Variants in MYL12B observed in about 807,000 individuals in gnomAD.
MYL12B encodes myosin light chain 12B.
Under a neutral mutation model 12.9 loss-of-function variants are expected in MYL12B, and 3 were observed. That is an observed-to-expected ratio of 0.23 (90% CI 0.11 to 0.60). The LOEUF (loss-of-function observed/expected upper bound fraction) is 0.60. Among genes scored for constraint, MYL12B ranks in the 20% least tolerant of loss-of-function variants. The pLI, the probability that MYL12B is intolerant of heterozygous loss-of-function variation, is 0.89. For missense variants in MYL12B, 120 were observed against 215.4 expected, an observed-to-expected ratio of 0.56 and a Z score of 2.77; for synonymous variants, 57 against 71.9, an observed-to-expected ratio of 0.79 and a Z score of 1.05.
Position 3,262,186 on chromosome 18 carries a change from T to A in MYL12B, c.-67T>A, listed in dbSNP as rs568423893. On this transcript the variant is annotated 5_prime_UTR_variant, in exon 1 of 4. Coordinates refer to ENST00000237500, the MANE Select transcript of MYL12B (RefSeq NM_033546.4). ...CCGGCCACAGCCTAACGCTCTTCGC[T>A]GTCGTTTGTGGTCTCGCGCAGGGCG... 5.3e-5 allele frequency: 8 copies of A among 152,062 alleles called. No homozygotes were observed. Among genetic ancestry groups the A allele is most frequent in the African/African-American group, 2.4e-5 (1 of 41,442 alleles). The allele number at this position is 152,062 out of a possible 1,614,324, so 9.4% of individuals were successfully genotyped here. A position where few individuals can be genotyped will look rare whatever the true frequency, so the allele number is the denominator to read the frequency against.
At chr18:3,269,787 C>T (rs940046128) in intron 1 of MYL12B, among the ~76,000 whole-genome samples, 1 of 152,158 alleles carries the variant, frequency 6.6e-6, no homozygotes, top group Non-Finnish European at 1.5e-5. Context: ...AGATAAACAT[C>T]TAAGAGGAAA....
chr18:3,273,470 A>G (rs1258156616), intron 2 of MYL12B, among the ~76,000 whole-genome samples: 1 of 152,190 alleles, frequency 6.6e-6, no homozygotes, highest in Non-Finnish European at 1.5e-5. Context: ...ATCTCTGGGA[A>G]GGAGGGGCAG....
intron 2 of MYL12B, among the ~76,000 whole-genome samples, chr18:3,274,482 G>A (rs919597347): frequency 6.6e-6 from 1 of 152,124 alleles, no homozygotes; most frequent in African/African-American, 2.4e-5. Flanking sequence ...AATCACAGCA[G>A]ATTCACAGAG....
At chr18:3,272,055 A>C (rs1475959101) in intron 1 of MYL12B, 1 of 984,998 alleles carries the variant, frequency 1.0e-6, no homozygotes, top group Non-Finnish European at 1.2e-6. Flanking sequence ...GGAAAAATGA[A>C]GACAGTTCAG....
intron 2 of MYL12B, 200 bp from the exon 3 acceptor site, chr18:3,277,053 G>A (rs1358756411): frequency 3.1e-6 from 3 of 958,116 alleles, no homozygotes; most frequent in Non-Finnish European, 3.7e-6. Context: ...ATATAAGCCT[G>A]GAATACATTT....
At chr18:3,266,531 G>A (rs1598806037) in intron 1 of MYL12B, among the ~76,000 whole-genome samples, 1 of 151,824 alleles carries the variant, frequency 6.6e-6, no homozygotes, top group East Asian at 1.9e-4. Context: ...CTACCACCAT[G>A]ACCAGAGGAG....
At position 3,278,169 on chromosome 18, in the gene MYL12B, A is replaced by G. The variant is rs2081749676; in HGVS notation, c.*232A>G. On this transcript the variant is annotated 3_prime_UTR_variant, in exon 4 of 4. Coordinates refer to ENST00000237500, the MANE Select transcript of MYL12B (RefSeq NM_033546.4). The stretch of plus-strand genomic sequence containing the variant: ...AAAAGATCGCGAATAAAAATCAACA[A>G]ATGTGAAAGCCCAGAAAAATATATT... The G allele has an allele frequency of 2.6e-6, 1 of 384,500 alleles. No homozygotes were observed. The highest frequency in any genetic ancestry group is 4.6e-6 in the Non-Finnish European group (1 of 216,740). 23.8% of individuals were successfully genotyped at this position (384,500 alleles called of 1,614,324 possible).
At chr18:3,274,935 C>T (rs1355093173) in intron 2 of MYL12B, among the ~76,000 whole-genome samples, 1 of 152,088 alleles carries the variant, frequency 6.6e-6, no homozygotes, top group East Asian at 1.9e-4. Context: ...AGGAGCTCTC[C>T]CATATGATCC....
intron 1 of MYL12B, among the ~76,000 whole-genome samples, chr18:3,267,635 G>A (rs1411950451): frequency 6.6e-6 from 1 of 152,138 alleles, no homozygotes; most frequent in Non-Finnish European, 1.5e-5. Flanking sequence ...AGTACAGTGA[G>A]ATATTTTCAG....
At chr18:3,266,302 A>G (rs2081633726) in intron 1 of MYL12B, among the ~76,000 whole-genome samples, 2 of 151,894 alleles carry the variant, frequency 1.3e-5, no homozygotes. Context: ...GGATCTCTCC[A>G]CAGGGCTGTG....
chr18:3,272,311 A>T (rs551027722), intron 1 of MYL12B: 2 of 1,288 alleles, frequency 1.6e-3, no homozygotes, highest in East Asian at 0.016. Flanking sequence ...AGTACCTACC[A>T]TAGGCAACTG....
At chr18:3,272,229 A>C (rs1355772297) in intron 1 of MYL12B, 1 of 236,834 alleles carries the variant, frequency 4.2e-6, no homozygotes, top group East Asian at 7.0e-4. Context: ...ATTGAAGTAG[A>C]TATCATGTTT....
chr18:3,272,845 T>G (rs1193315419), intron 1 of MYL12B, 39 bp from the exon 2 acceptor site: 51 of 1,494,480 alleles, frequency 3.4e-5, no homozygotes, highest in Non-Finnish European at 4.6e-5. Context: ...TTTTATACAT[T>G]GTTTTGTTTT....
intron 1 of MYL12B, 63 bp from the exon 2 acceptor site, chr18:3,272,821 C>G: frequency 7.3e-7 from 1 of 1,378,406 alleles, no homozygotes; most frequent in Non-Finnish European, 9.7e-7. Context: ...ATTATGTATT[C>G]TGTTTTTGCT....
chr18:3,276,871 T>C (rs1479991901), intron 2 of MYL12B: 14 of 918,686 alleles, frequency 1.5e-5, no homozygotes, highest in African/African-American at 3.8e-5. Flanking sequence ...ACCCAGTCTT[T>C]ACAAAAAACA....
chr18:3,268,534 A>G (rs994148195), intron 1 of MYL12B, among the ~76,000 whole-genome samples: 1 of 152,192 alleles, frequency 6.6e-6, no homozygotes. Context: ...AGTTCCAGGG[A>G]GTGCCACTCA....
At chr18:3,275,619 A>G (rs934433631) in intron 2 of MYL12B, among the ~76,000 whole-genome samples, 44 of 152,290 alleles carry the variant, frequency 2.9e-4, no homozygotes, top group African/African-American at 8.7e-4. Context: ...ATAAATATGA[A>G]TTTTTAAAAG....
intron 1 of MYL12B, among the ~76,000 whole-genome samples, chr18:3,271,755 G>C (rs545237324): frequency 6.6e-6 from 1 of 151,956 alleles, no homozygotes; most frequent in Non-Finnish European, 1.5e-5. Flanking sequence ...AGAGCTGATG[G>C]TATTTTTGTG....
chr18:3,277,643 C>G (rs983120445), intron 3 of MYL12B, 122 bp from the exon 4 acceptor site: 32 of 1,333,816 alleles, frequency 2.4e-5, no homozygotes, highest in Non-Finnish European at 2.7e-5. Context: ...AGTTCACTAA[C>G]TTACTTTGTT....
Sources: gnomAD v4.1 joint callset for allele counts (sites outside exome capture counted in the v4.1 genomes callset) on GRCh38, gnomAD v4.1.1 for gene constraint, MANE v1.5 for transcripts, NCBI Gene and HGNC (gene_info 2026-07-23, HGNC 2026-07-21) for gene names.